COQ3: variants seen among roughly 807,000 people sequenced by gnomAD.
The protein encoded by COQ3 is ubiquinone biosynthesis O-methyltransferase, mitochondrial.
Under a neutral mutation model 33.1 loss-of-function variants are expected in COQ3, and 29 were observed. The ratio of observed to expected loss-of-function variants is 0.88; its 90% CI spans 0.65 to 1.19. The LOEUF is 1.19. Among genes scored for constraint, COQ3 ranks in the 50% most tolerant of loss-of-function variants. The pLI, the probability that COQ3 is intolerant of heterozygous loss-of-function variation, is 0.00. For missense variants in COQ3, 437 were observed against 430.7 expected (o/e 1.01, Z -0.13); for synonymous variants, 173 against 157.8 (o/e 1.10, Z -0.72).
At chr6:99,392,251 G>A (rs771487473) in intron 1 of COQ3, among the ~76,000 whole-genome samples, 2 of 152,156 alleles carry the variant, frequency 1.3e-5, no homozygotes, top group Non-Finnish European at 2.9e-5. Flanking sequence ...ACAGGTGACA[G>A]ACTTTTACCC....
intron 6 of COQ3, among the ~76,000 whole-genome samples, chr6:99,370,062 T>C (rs1774084708): frequency 6.6e-6 from 1 of 152,134 alleles, no homozygotes. Flanking sequence ...GCAGTCTGCC[T>C]GGATTCAAAT....
chr6:99,390,872 T>C (rs1020743193), intron 1 of COQ3, among the ~76,000 whole-genome samples: 14 of 152,126 alleles, frequency 9.2e-5, no homozygotes, highest in African/African-American at 3.1e-4. Context: ...GTAGTTTCAA[T>C]TTATCATGAA....
Position 99,390,721 on chromosome 6 carries a change from G to T in COQ3, c.106+3353C>A, listed in dbSNP as rs926557883. Among the ~76,000 whole-genome samples the T allele has an allele frequency of 1.2e-4, 18 of 152,232 alleles. No individual in the cohort carries two copies. In the East Asian group the frequency reaches 3.3e-3, roughly 28 times the overall value. On this transcript the variant is annotated intron_variant, in intron 1 of 6. Coordinates refer to ENST00000254759, the MANE Select transcript of COQ3 (RefSeq NM_017421.4). ...TGTTTGTTTTTGTTTTTGAGACAGG[G>T]TCTCACTGTGTCACCCGGGCTGGAC...
chr6:99,387,971 C>T (rs1172589022), intron 1 of COQ3, among the ~76,000 whole-genome samples: 1 of 151,912 alleles, frequency 6.6e-6, no homozygotes, highest in Non-Finnish European at 1.5e-5. Flanking sequence ...TCGAGACCAG[C>T]CTGACCAACA....
Position 99,394,074 on chromosome 6 carries a change from C to T in COQ3, c.106G>A (p.Val36Ile), listed in dbSNP as rs1159406161. 1 of 1,612,796 alleles carries T rather than the reference C, an allele frequency of 6.2e-7. No homozygotes were observed. The highest frequency in any genetic ancestry group is 1.7e-5 in the Admixed American group (1 of 60,004). The change falls in exon 1 of 7, where the codon GTT becomes ATT. Residue 36 changes from valine to isoleucine, a missense_variant and splice_region_variant. Coordinates refer to ENST00000254759, the MANE Select transcript of COQ3 (RefSeq NM_017421.4). ...KAARPLISSA[V>I]YVKNQLSGTL... ...GAAGGACCTCCGCACACACACTCAC[C>T]CGCCGAGGAAATTAAGGGACGCGCA...
In COQ3 at chr6:99,371,487, C is replaced by A. The variant is rs779005475; in HGVS notation, c.830G>T (p.Gly277Val). Residue 277 changes from glycine (G) to valine (V), a missense_variant, in exon 6 of 7, where the codon GGT becomes GTT. By Grantham distance (109) the Gly-to-Val change is moderately radical. Transcript: ENST00000254759. ...SEQIASIVPK[G>V]THTWEKFVSP... ...AACAAACTTCTCCCATGTATGAGTA[C>A]CTTTTGGTACAATACTTGCAATTTG... is the stretch of plus-strand genomic sequence containing the variant. 6.2e-7 allele frequency: 1 copy of A among 1,606,942 alleles called. No homozygotes were observed. Among genetic ancestry groups the A allele is most frequent in the Non-Finnish European group, 8.5e-7 (1 of 1,176,028 alleles).
rs1056931443 is a variant in COQ3, at chr6:99,380,360, G to A, written c.234-19C>T. 3.1e-6 allele frequency: 5 copies of A among 1,611,632 alleles called. No homozygotes were observed. The highest frequency in any genetic ancestry group is 3.4e-5 in the Admixed American group (2 of 59,602). On this transcript the variant is annotated intron_variant, in intron 2 of 6. Coordinates refer to ENST00000254759, the MANE Select transcript of COQ3 (RefSeq NM_017421.4). ...AGGGTACCTAAAAGGTGAAAATGAA[G>A]AACCAAGCAAATACTGCTGTTTTGA...
rs1774440366 is a variant in COQ3, at chr6:99,380,442, T to C, written c.234-101A>G. On this transcript the variant is annotated intron_variant, in intron 2 of 6. Coordinates refer to ENST00000254759, the MANE Select transcript of COQ3 (RefSeq NM_017421.4). The stretch of plus-strand genomic sequence containing the variant: ...AGATAGTCTTATTTACAATTTATTA[T>C]ATTCTAAATCTGTATACTGCTCAAT... The C allele has an allele frequency of 2.3e-6, 3 of 1,297,898 alleles. No individual in the cohort carries two copies. In the Admixed American group the frequency reaches 6.4e-5, roughly 28 times the overall value. 80.4% of individuals were successfully genotyped at this position (1,297,898 alleles called of 1,614,324 possible). A position where few individuals can be genotyped will look rare whatever the true frequency, so the allele number is the denominator to read the frequency against.
rs1202641840 is a variant in COQ3 at position 99,394,130 on chromosome 6, A to C, written c.50T>G (p.Val17Gly). ...LGSSGGWFLRVLGPGGCNTKA... is the reference protein window; with the variant it reads ...LGSSGGWFLRGLGPGGCNTKA... ...TGTATTACAGCCTCCAGGCCCCAGC[A>C]CTCTTAAAAACCAACCCCCGGAGGA... The change falls in exon 1 of 7, where the codon GTG (valine) becomes GGG (glycine). Residue 17 changes from valine (V) to glycine (G), a missense_variant. Coordinates refer to ENST00000254759, the MANE Select transcript of COQ3 (RefSeq NM_017421.4). 1.2e-6 allele frequency: 2 copies of C among 1,610,230 alleles called. No homozygotes were observed. The highest frequency in any genetic ancestry group is 2.7e-5 in the African/African-American group (2 of 74,368).
intron 1 of COQ3, 129 bp from the exon 2 acceptor site, chr6:99,383,953 T>C: frequency 1.6e-6 from 1 of 644,588 alleles, no homozygotes; most frequent in East Asian, 4.0e-5. Flanking sequence ...CAGGTTGGAG[T>C]GTAATGGCAC....
chr6:99,371,800 T>C (rs1318199367), intron 5 of COQ3, among the ~76,000 whole-genome samples: 1 of 152,204 alleles, frequency 6.6e-6, no homozygotes, highest in Admixed American at 6.6e-5. Flanking sequence ...TCAGTGAGTA[T>C]ATACAACAGT....
intron 5 of COQ3, 21 bp from the exon 6 acceptor site, chr6:99,371,608 T>C (rs1774147441): frequency 2.0e-6 from 3 of 1,517,960 alleles, no homozygotes; most frequent in Non-Finnish European, 2.7e-6. Flanking sequence ...TGAAATTATA[T>C]AGAAGTAAAA....
rs529717810 is a variant in COQ3 at position 99,388,803 on chromosome 6, G to A, written c.107-4979C>T. ...GCAGAGGTTGCAGTGAGCCAAGATC[G>A]CACCATTACACTCCAGTATGGGTGA... On this transcript the variant is annotated intron_variant, in intron 1 of 6. Transcript: ENST00000254759. Among the ~76,000 whole-genome samples the A allele has an allele frequency of 3.3e-5, 5 of 151,766 alleles. No homozygotes were observed. In the East Asian group the frequency reaches 7.8e-4, roughly 24 times the overall value.
intron 5 of COQ3, among the ~76,000 whole-genome samples, chr6:99,372,621 T>C (rs1327360935): frequency 6.6e-6 from 1 of 152,160 alleles, no homozygotes; most frequent in African/African-American, 2.4e-5. Flanking sequence ...TTTCACCATC[T>C]TGGTCAGGCT....
chr6:99,373,917 G>C (rs1357547501), intron 5 of COQ3, among the ~76,000 whole-genome samples: 2 of 152,098 alleles, frequency 1.3e-5, no homozygotes, highest in Admixed American at 6.5e-5. Flanking sequence ...GGCTGAGATG[G>C]GAGCATGGCT....
chr6:99,377,566 G>A (rs1774333470), intron 3 of COQ3, 81 bp from the exon 4 acceptor site: 2 of 839,836 alleles, frequency 2.4e-6, no homozygotes, highest in Admixed American at 3.0e-5. Flanking sequence ...AGTTTTCAAG[G>A]AAATATTAAC....
intron 5 of COQ3, among the ~76,000 whole-genome samples, chr6:99,372,406 TAGGACTATTC>T (rs1380915540): frequency 5.3e-5 from 8 of 152,022 alleles, no homozygotes; most frequent in Non-Finnish European, 7.4e-5. Context: ...AAAGGATTTA[TAGGACTATTC>T]AGTGTGCCAG....
At position 99,377,332 on chromosome 6, in the gene COQ3, C is replaced by G. The variant is rs1372177477; in HGVS notation, c.486+54G>C. 2.4e-6 allele frequency: 3 copies of G among 1,230,712 alleles called. No individual in the cohort carries two copies. In the Admixed American group the frequency reaches 5.1e-5, roughly 21 times the overall value. The allele number at this position is 1,230,712 out of a possible 1,614,324, so 76.2% of individuals were successfully genotyped here. On this transcript the variant is annotated intron_variant, in intron 4 of 6. Transcript: ENST00000254759. ...TTGAAAGAATAAATGAGGCACAAGT[C>G]TACTTCTTAATTTTTTTCTCCCAGT... is the stretch of plus-strand genomic sequence containing the variant.
At chr6:99,373,952 A>G (rs1157318376) in intron 5 of COQ3, among the ~76,000 whole-genome samples, 2 of 152,092 alleles carry the variant, frequency 1.3e-5, no homozygotes, top group Admixed American at 1.3e-4. Context: ...GGCTGCAGTG[A>G]GCCGTGATCT....
Sources: gnomAD v4.1 joint callset for allele counts (sites outside exome capture counted in the v4.1 genomes callset) on GRCh38, gnomAD v4.1.1 for gene constraint, MANE v1.5 for transcripts, NCBI Gene and HGNC (gene_info 2026-07-23, HGNC 2026-07-21) for gene names.